The following MAP2K6 variants were observed in gnomAD, a reference collection of about 807,000 sequenced individuals.
MAP2K6 encodes mitogen-activated protein kinase kinase 6.
A neutral mutation model predicts 53.7 loss-of-function variants in MAP2K6; 16 were observed. The observed-to-expected ratio is 0.30, with a 90% CI of 0.20 to 0.45. The LOEUF (loss-of-function observed/expected upper bound fraction) is 0.45. MAP2K6 is among the 20% of genes least tolerant of loss of function. The pLI is 1.00. For synonymous variants in MAP2K6, 132 were observed against 143.1 expected, an observed-to-expected ratio of 0.92 and a Z score of 0.55; for missense variants, 204 against 411.9, an observed-to-expected ratio of 0.50 and a Z score of 4.37.
chr17:69,550,109 A>C lies in MAP2K6; in HGVS notation c.*8356A>C, dbSNP rs1912033873. 6.6e-6 allele frequency: 1 copy of C among 152,228 alleles called. No homozygotes were observed. The highest frequency in any genetic ancestry group is 1.5e-5 in the Non-Finnish European group (1 of 68,042). 9.4% of individuals were successfully genotyped at this position (152,228 alleles called of 1,614,324 possible). A position where few individuals can be genotyped will look rare whatever the true frequency, so the allele number is the denominator to read the frequency against. ...TCCTTAAAAATACTGAGCTATAAGA[A>C]GATTCAGAGAGTGGCATTAATTTGG... On this transcript the variant is annotated 3_prime_UTR_variant, in exon 12 of 12. Coordinates refer to ENST00000590474, the MANE Select transcript of MAP2K6 (RefSeq NM_002758.4).
chr17:69,516,967 A>T (rs1383701053), intron 3 of MAP2K6, 64 bp downstream of exon 3: 7 of 1,298,326 alleles, frequency 5.4e-6, no homozygotes, highest in Non-Finnish European at 7.7e-6. Flanking sequence ...TTTCTGACTG[A>T]AAAATTTATT....
rs370292101 is a variant in MAP2K6, at chr17:69,472,741, C to T, written c.17-33039C>T. On this transcript the variant is annotated intron_variant, in intron 1 of 11. Transcript: ENST00000590474. Reference sequence around the variant, plus strand: ...TGAAATGGAGTCTCACTCTATTGCTCGGGCTGGGGTACAGTGGTATGGCCT... The same window carrying T: ...TGAAATGGAGTCTCACTCTATTGCTTGGGCTGGGGTACAGTGGTATGGCCT... Among the ~76,000 whole-genome samples the T allele has an allele frequency of 1.8e-3, 275 of 152,246 alleles. 1 individual carries two copies. Among genetic ancestry groups the T allele is most frequent in the African/African-American group, 6.1e-3 (252 of 41,544 alleles).
intron 1 of MAP2K6, among the ~76,000 whole-genome samples, chr17:69,438,831 C>T (rs1376010867): frequency 6.6e-6 from 1 of 152,166 alleles, no homozygotes. Context: ...GAGGTCTTTC[C>T]ACCTTAGCCT....
chr17:69,533,560 G>A (rs1311825811), intron 10 of MAP2K6, among the ~76,000 whole-genome samples: 1 of 152,096 alleles, frequency 6.6e-6, no homozygotes, highest in Non-Finnish European at 1.5e-5. Flanking sequence ...GGAGTTTAAG[G>A]TCTAAATAGA....
rs78852540 is a variant in MAP2K6, at chr17:69,511,163, C to G, written c.83+5317C>G. ...AGGATAAAAGCAGTTTATATTTTCCCTCGTATGGTATTAATAAGGTATACT... is the reference window on the plus strand; with the variant it reads ...AGGATAAAAGCAGTTTATATTTTCCGTCGTATGGTATTAATAAGGTATACT... On this transcript the variant is annotated intron_variant, in intron 2 of 11. Transcript: ENST00000590474. 3.8e-3 allele frequency among the ~76,000 whole-genome samples: 574 copies of G among 152,198 alleles called. 5 individuals are homozygous for G. Among genetic ancestry groups the G allele is most frequent in the African/African-American group, 0.013 (547 of 41,522 alleles).
chr17:69,441,241 C>T (rs985798874), intron 1 of MAP2K6, among the ~76,000 whole-genome samples: 2 of 152,108 alleles, frequency 1.3e-5, no homozygotes, highest in Admixed American at 1.3e-4. Flanking sequence ...GCCTCAAATT[C>T]TTTCTCTTCT....
chr17:69,523,053 T>C (rs1223409017), intron 7 of MAP2K6, among the ~76,000 whole-genome samples: 1 of 152,184 alleles, frequency 6.6e-6, no homozygotes, highest in Non-Finnish European at 1.5e-5. Context: ...GAGTAAGACC[T>C]TATCTTGAAG....
At chr17:69,481,781 T>A (rs926776792) in intron 1 of MAP2K6, among the ~76,000 whole-genome samples, 2 of 152,164 alleles carry the variant, frequency 1.3e-5, no homozygotes, top group Non-Finnish European at 2.9e-5. Flanking sequence ...ATATCTTAAC[T>A]TAGTTACCTC....
intron 1 of MAP2K6, among the ~76,000 whole-genome samples, chr17:69,479,551 T>G (rs1908276826): frequency 6.6e-6 from 1 of 152,114 alleles, no homozygotes; most frequent in African/African-American, 2.4e-5. Context: ...AAAACACTTC[T>G]GGTCCCAAGC....
At position 69,516,000 on chromosome 17, in the gene MAP2K6, C is replaced by G. The variant is rs147268392; in HGVS notation, c.84-855C>G. 4.1e-3 allele frequency among the ~76,000 whole-genome samples: 629 copies of G among 152,206 alleles called. 9 individuals carry two copies. The highest frequency in any genetic ancestry group is 0.015 in the African/African-American group (615 of 41,536). ...GAGACTTACTGCTGTAGCACAATGA[C>G]CTATATCAGCGGTCCCCAACCTTTT... On this transcript the variant is annotated intron_variant, in intron 2 of 11. Transcript: ENST00000590474.
chr17:69,519,522 C>G (rs765565207), intron 5 of MAP2K6, 90 bp downstream of exon 5: 1 of 1,519,924 alleles, frequency 6.6e-7, no homozygotes, highest in South Asian at 1.2e-5. Flanking sequence ...AATCATGGAG[C>G]TCTTTCTTGT....
At chr17:69,511,502 C>T (rs898013047) in intron 2 of MAP2K6, among the ~76,000 whole-genome samples, 12 of 152,288 alleles carry the variant, frequency 7.9e-5, no homozygotes, top group African/African-American at 2.2e-4. Flanking sequence ...TTTGAGCTAC[C>T]GATGCCAGTG....
At chr17:69,420,396 TTAAAA>T (rs1039922104) in intron 1 of MAP2K6, among the ~76,000 whole-genome samples, 25 of 152,210 alleles carry the variant, frequency 1.6e-4, no homozygotes, top group African/African-American at 6.0e-4. Context: ...CCTACATTTG[TTAAAA>T]TAATTAAGTC....
intron 11 of MAP2K6, among the ~76,000 whole-genome samples, chr17:69,538,477 C>T (rs187927256): frequency 1.5e-3 from 230 of 152,244 alleles, no homozygotes; most frequent in Non-Finnish European, 1.5e-3. Context: ...TATAACTGTT[C>T]CCTGCTTTCC....
At chr17:69,431,037 G>A (rs1222122960) in intron 1 of MAP2K6, among the ~76,000 whole-genome samples, 1 of 152,200 alleles carries the variant, frequency 6.6e-6, no homozygotes, top group East Asian at 1.9e-4. Flanking sequence ...GTCTATAAAA[G>A]TGATTATTGA....
intron 1 of MAP2K6, among the ~76,000 whole-genome samples, chr17:69,448,772 A>G (rs1372297920): frequency 6.6e-6 from 1 of 152,202 alleles, no homozygotes; most frequent in African/African-American, 2.4e-5. Flanking sequence ...AGCATTGCTC[A>G]GAGGGATTTG....
In MAP2K6 at chr17:69,545,489, A is replaced by G. The variant is rs1911842787; in HGVS notation, c.*3736A>G. The G allele has an allele frequency of 6.6e-6, 1 of 152,190 alleles. No homozygotes were observed. The highest frequency in any genetic ancestry group is 6.5e-5 in the Admixed American group (1 of 15,278). The allele number at this position is 152,190 out of a possible 1,614,324, so 9.4% of individuals were successfully genotyped here. A position where few individuals can be genotyped will look rare whatever the true frequency, so the allele number is the denominator to read the frequency against. ...ACGAGTATGTATGGGCATGGCTTGA[A>G]ATTGTTTGTATTTTACAGTTCTTGT... is the stretch of plus-strand genomic sequence containing the variant. On this transcript the variant is annotated 3_prime_UTR_variant, in exon 12 of 12. Transcript: ENST00000590474.
At chr17:69,459,119 G>C (rs1226769843) in intron 1 of MAP2K6, among the ~76,000 whole-genome samples, 2 of 152,170 alleles carry the variant, frequency 1.3e-5, no homozygotes, top group Non-Finnish European at 2.9e-5. Flanking sequence ...GTCACTGAAA[G>C]TTTTTATACT....
intron 1 of MAP2K6, among the ~76,000 whole-genome samples, chr17:69,483,145 G>T (rs971506464): frequency 3.2e-4 from 49 of 151,692 alleles, no homozygotes; most frequent in Non-Finnish European, 5.5e-4. Context: ...AAAAGAAGAA[G>T]TAAGATGATC....
Sources: allele counts gnomAD v4.1 joint callset (sites outside exome capture counted in the v4.1 genomes callset), GRCh38; gene constraint gnomAD v4.1.1; transcripts MANE v1.5; gene names NCBI Gene and HGNC (gene_info 2026-07-23, HGNC 2026-07-21).